Variants in MAF observed in about 807,000 individuals in gnomAD.
MAF encodes transcription factor Maf.
In MAF, 10 loss-of-function variants were observed where a neutral mutation model predicts 22.0. The ratio of observed to expected loss-of-function variants is 0.45; its 90% confidence interval spans 0.28 to 0.77. The LOEUF (loss-of-function observed/expected upper bound fraction) is 0.77, where lower values mean the gene tolerates loss of function less well. Ranked by LOEUF, MAF falls within the 30% of genes least tolerant of loss-of-function variation. The pLI is 0.12. For missense variants in MAF, 544 were observed against 548.4 expected, an observed-to-expected ratio of 0.99 and a Z score of 0.08; for synonymous variants, 337 against 255.8, an observed-to-expected ratio of 1.32 and a Z score of -3.03.
the MAF span, among the ~76,000 whole-genome samples, chr16:79,501,527 T>G: frequency 0.042 from 6,346 of 152,234 alleles, 438 homozygotes; most frequent in African/African-American, 0.14. Context: ...TCAAAATGCT[T>G]GAGGCCACAT....
the MAF span, among the ~76,000 whole-genome samples, chr16:79,295,630 G>C: frequency 3.9e-5 from 6 of 152,194 alleles, 1 homozygote; most frequent in South Asian, 6.2e-4. Context: ...GGCTAAATTT[G>C]TTAACTTAAC....
the MAF span, among the ~76,000 whole-genome samples, chr16:79,451,406 C>A: frequency 6.6e-6 from 1 of 152,178 alleles, no homozygotes; most frequent in Non-Finnish European, 1.5e-5. Flanking sequence ...GACTCAAGCT[C>A]CTCAGAGACC....
the MAF span, among the ~76,000 whole-genome samples, chr16:79,377,695 A>C: frequency 6.6e-6 from 1 of 152,170 alleles, no homozygotes; most frequent in African/African-American, 2.4e-5. Context: ...ATCTTGAATT[A>C]ATTTTTGTAT....
chr16:79,321,814 A>G, the MAF span, among the ~76,000 whole-genome samples: 1,971 of 152,024 alleles, frequency 0.013, 37 homozygotes, highest in African/African-American at 0.045. Context: ...CCACACCTGG[A>G]TAAGTGCTGG....
the MAF span, among the ~76,000 whole-genome samples, chr16:79,408,490 C>G: frequency 6.6e-6 from 1 of 152,152 alleles, no homozygotes; most frequent in African/African-American, 2.4e-5. Context: ...TGTGGCTTTT[C>G]TACTTATTAT....
At chr16:79,356,469 G>C in the MAF span, among the ~76,000 whole-genome samples, 2 of 152,194 alleles carry the variant, frequency 1.3e-5, no homozygotes, top group East Asian at 3.9e-4. Flanking sequence ...GCATGCTTGA[G>C]GCTTTCTCCC....
At chr16:79,481,272 T>C in the MAF span, among the ~76,000 whole-genome samples, 155 of 152,162 alleles carry the variant, frequency 1.0e-3, 1 homozygote, top group African/African-American at 3.6e-3. Flanking sequence ...ATACAACTTA[T>C]ATATGTATCA....
chr16:79,259,927 C>A, the MAF span, among the ~76,000 whole-genome samples: 31 of 152,144 alleles, frequency 2.0e-4, no homozygotes, highest in South Asian at 8.3e-4. Flanking sequence ...TGGCAAGAGG[C>A]ATATGTGGGA....
the MAF span, among the ~76,000 whole-genome samples, chr16:79,502,708 A>AATATAAATATATATACATATATAT: frequency 1.2e-4 from 4 of 34,004 alleles, no homozygotes; most frequent in Non-Finnish European, 1.7e-4. Flanking sequence ...TATAAATATA[A>AATATAAATATATATACATATATAT]ATATATATAT....
the MAF span, among the ~76,000 whole-genome samples, chr16:79,328,748 A>G: frequency 6.6e-6 from 1 of 152,198 alleles, no homozygotes; most frequent in Non-Finnish European, 1.5e-5. Context: ...ACATTCTCCA[A>G]CCAGCTTGTA....
the MAF span, among the ~76,000 whole-genome samples, chr16:79,226,084 G>A: frequency 6.6e-6 from 1 of 152,154 alleles, no homozygotes; most frequent in East Asian, 1.9e-4. Flanking sequence ...GCACACGTAT[G>A]TTTATTGCAG....
chr16:79,516,398 A>G, the MAF span: 127,169 of 151,866 alleles, frequency 0.84, 53,515 homozygotes, highest in East Asian at 0.92. Context: ...GCTATGATAA[A>G]TGATTTACAA....
chr16:79,597,179 T>C (rs1453305032), intron 1 of MAF: 71 of 1,054,886 alleles, frequency 6.7e-5, no homozygotes, highest in Non-Finnish European at 8.0e-5. Flanking sequence ...GTAAACAATT[T>C]AGTGCATCAA....
chr16:79,543,157 T>C, the MAF span, among the ~76,000 whole-genome samples: 268 of 152,280 alleles, frequency 1.8e-3, 3 homozygotes, highest in South Asian at 0.036. Flanking sequence ...AGTGATAACA[T>C]AGTAATAAAA....
the MAF span, among the ~76,000 whole-genome samples, chr16:79,329,339 T>A: frequency 6.6e-6 from 1 of 152,154 alleles, no homozygotes; most frequent in Middle Eastern, 3.4e-3. Flanking sequence ...TTTGGAGAAG[T>A]GAGAGTTTGC....
the MAF span, among the ~76,000 whole-genome samples, chr16:79,554,556 C>T: frequency 6.6e-6 from 1 of 152,130 alleles, no homozygotes; most frequent in African/African-American, 2.4e-5. Flanking sequence ...AGGAAGACAA[C>T]ACAGGTGGAT....
chr16:79,327,095 G>A, the MAF span, among the ~76,000 whole-genome samples: 2 of 152,242 alleles, frequency 1.3e-5, no homozygotes, highest in East Asian at 3.8e-4. Context: ...GGGGTGGCAT[G>A]CAGTACAGGG....
the MAF span, among the ~76,000 whole-genome samples, chr16:79,454,394 G>T: frequency 4.5e-4 from 68 of 152,320 alleles, no homozygotes; most frequent in African/African-American, 1.6e-3. Context: ...TCCGAGACCA[G>T]CTGTGCCTCC....
chr16:79,214,959 C>T, the MAF span, among the ~76,000 whole-genome samples: 4 of 151,902 alleles, frequency 2.6e-5, no homozygotes, highest in Non-Finnish European at 5.9e-5. Context: ...ATCCACCCAC[C>T]TCAGCCCCCC....
Sources: gnomAD v4.1 joint callset for allele counts (sites outside exome capture counted in the v4.1 genomes callset) on GRCh38, gnomAD v4.1.1 for gene constraint, MANE v1.5 for transcripts, NCBI Gene and HGNC (gene_info 2026-07-23, HGNC 2026-07-21) for gene names.